CBFB: variants seen among roughly 807,000 people sequenced by gnomAD.
The protein encoded by CBFB is core-binding factor subunit beta.
CBFB carries 9 observed loss-of-function variants against 30.4 expected under a neutral mutation model. The observed-to-expected ratio is 0.30, with a 90% CI of 0.18 to 0.52. The LOEUF is 0.52. Among genes scored for constraint, CBFB ranks in the 20% least tolerant of loss-of-function variants. The pLI, the probability that CBFB is intolerant of heterozygous loss-of-function variation, is 0.97. For synonymous variants in CBFB, 94 were observed against 84.0 expected (o/e 1.12, Z -0.65); for missense variants, 170 against 244.0 (o/e 0.70, Z 2.02).
At chr16:67,058,094 T>C (rs1207594275) in intron 3 of CBFB, among the ~76,000 whole-genome samples, 1 of 152,204 alleles carries the variant, frequency 6.6e-6, no homozygotes, top group African/African-American at 2.4e-5. Context: ...GTCTTTCCAG[T>C]CATGAATATG....
intron 5 of CBFB, among the ~76,000 whole-genome samples, chr16:67,089,627 C>T (rs969899146): frequency 1.3e-5 from 2 of 152,218 alleles, no homozygotes; most frequent in Admixed American, 1.3e-4. Context: ...TTTTAAAAGG[C>T]ACTGCTCTGG....
intron 4 of CBFB, among the ~76,000 whole-genome samples, chr16:67,070,149 T>C (rs1470528058): frequency 6.6e-6 from 1 of 152,272 alleles, no homozygotes; most frequent in South Asian, 2.1e-4. Context: ...TCTTTATATA[T>C]GGAAATGTAA....
intron 3 of CBFB, among the ~76,000 whole-genome samples, chr16:67,038,775 CAA>C (rs748818065): frequency 5.2e-5 from 7 of 135,042 alleles, no homozygotes; most frequent in South Asian, 2.3e-4. Flanking sequence ...AGACGTAAAC[CAA>C]AAAAAAAAAA....
At chr16:67,043,917 G>T (rs1197461271) in intron 3 of CBFB, among the ~76,000 whole-genome samples, 3 of 152,140 alleles carry the variant, frequency 2.0e-5, no homozygotes, top group South Asian at 2.1e-4. Flanking sequence ...GTTCCATCCT[G>T]GTGTGTTACA....
intron 4 of CBFB, among the ~76,000 whole-genome samples, chr16:67,076,434 A>C (rs1217363061): frequency 1.3e-5 from 2 of 152,222 alleles, no homozygotes; most frequent in African/African-American, 4.8e-5. Context: ...GAATCGATTT[A>C]TGTAAAAGTA....
intron 3 of CBFB, among the ~76,000 whole-genome samples, chr16:67,039,351 A>G (rs1455250026): frequency 1.3e-5 from 2 of 152,210 alleles, no homozygotes; most frequent in South Asian, 4.1e-4. Context: ...TGTATAGGGC[A>G]CTTACTTTGA....
chr16:67,036,376 T>G (rs1966440211), intron 2 of CBFB: 2 of 378,430 alleles, frequency 5.3e-6, no homozygotes, highest in South Asian at 1.2e-4. Context: ...GATCCTAACG[T>G]CAGCAAAAAA....
At chr16:67,075,176 C>T (rs893093283) in intron 4 of CBFB, among the ~76,000 whole-genome samples, 17 of 142,304 alleles carry the variant, frequency 1.2e-4, no homozygotes, top group Non-Finnish European at 2.1e-4. Context: ...GGCAACAGAG[C>T]GAGATTCTAT....
At chr16:67,068,943 G>A (rs1284657308) in intron 4 of CBFB, among the ~76,000 whole-genome samples, 1 of 152,128 alleles carries the variant, frequency 6.6e-6, no homozygotes, top group African/African-American at 2.4e-5. Context: ...GCTGGCCGTG[G>A]TTGGCTCATG....
At chr16:67,091,476 A>G (rs1400087425) in intron 5 of CBFB, among the ~76,000 whole-genome samples, 1 of 152,196 alleles carries the variant, frequency 6.6e-6, no homozygotes, top group African/African-American at 2.4e-5. Flanking sequence ...ATTTTGAGGA[A>G]CCGAGGCTAA....
At chr16:67,054,116 C>T (rs1567611039) in intron 3 of CBFB, among the ~76,000 whole-genome samples, 1 of 152,164 alleles carries the variant, frequency 6.6e-6, no homozygotes, top group East Asian at 1.9e-4. Context: ...TCATCCTCTG[C>T]TGTGAGGGGC....
chr16:67,048,183 A>G (rs1966665109), intron 3 of CBFB, among the ~76,000 whole-genome samples: 1 of 152,194 alleles, frequency 6.6e-6, no homozygotes, highest in Admixed American at 6.6e-5. Context: ...CAAAGGTTGC[A>G]GTGAGCAGAG....
At position 67,047,282 on chromosome 16, in the gene CBFB, T is replaced by TA. The variant is rs1038392298; in HGVS notation, c.282+10534dup. Among the ~76,000 whole-genome samples, 88 of 152,288 alleles carry TA rather than the reference T, an allele frequency of 5.8e-4. 1 individual carries two copies. The highest frequency in any genetic ancestry group is 2.0e-3 in the African/African-American group (83 of 41,564). ...TTCAATGCCATGTGTGGAAACTATT[T>TA]AAAAAAATAAAACGTGCCTCTTGGC... On this transcript the variant is annotated intron_variant, in intron 3 of 5. Transcript: ENST00000412916.
chr16:67,031,490 C>A (rs907559069), intron 2 of CBFB, among the ~76,000 whole-genome samples: 1 of 152,172 alleles, frequency 6.6e-6, no homozygotes, highest in African/African-American at 2.4e-5. Flanking sequence ...AGATAAGTTA[C>A]AAAGTACTTG....
At chr16:67,037,056 A>C (rs1966452065) in intron 3 of CBFB, among the ~76,000 whole-genome samples, 1 of 151,970 alleles carries the variant, frequency 6.6e-6, no homozygotes, top group African/African-American at 2.4e-5. Context: ...CCGCCACCAC[A>C]TCTGACTAAT....
intron 3 of CBFB, among the ~76,000 whole-genome samples, chr16:67,037,058 C>G (rs568070186): frequency 1.3e-5 from 2 of 152,232 alleles, no homozygotes; most frequent in African/African-American, 4.8e-5. Context: ...GCCACCACAT[C>G]TGACTAATTT....
At chr16:67,030,257 G>T in intron 2 of CBFB, 1 of 157,122 alleles carries the variant, frequency 6.4e-6, no homozygotes, top group Non-Finnish European at 1.4e-5. Context: ...AGATCGCCGA[G>T]TAGAAATCTT....
In CBFB at chr16:67,099,258, G is replaced by C. The variant is rs1421823019; in HGVS notation, c.*480G>C. The C allele has an allele frequency of 4.4e-6, 1 of 228,936 alleles. No individual in the cohort carries two copies. Among genetic ancestry groups the C allele is most frequent in the Non-Finnish European group, 8.6e-6 (1 of 116,710 alleles). The allele number at this position is 228,936 out of a possible 1,614,324, so 14.2% of individuals were successfully genotyped here. ...TGTTTTGTTTGCCCCATTTCCTTTT[G>C]TGTTTTTATAGTCTATAGCATTTTA... On this transcript the variant is annotated 3_prime_UTR_variant, in exon 6 of 6. Transcript: ENST00000412916.
At chr16:67,098,391 C>T (rs554457274) in intron 5 of CBFB, among the ~76,000 whole-genome samples, 6 of 152,154 alleles carry the variant, frequency 3.9e-5, no homozygotes, top group Non-Finnish European at 8.8e-5. Flanking sequence ...CCCGTCTCAG[C>T]CTCCCAAAGT....
Sources: gnomAD v4.1 joint callset for allele counts (sites outside exome capture counted in the v4.1 genomes callset) on GRCh38, gnomAD v4.1.1 for gene constraint, MANE v1.5 for transcripts, NCBI Gene and HGNC (gene_info 2026-07-23, HGNC 2026-07-21) for gene names.